Variants in DIP2A observed in about 807,000 individuals in gnomAD.
The protein encoded by DIP2A is DIP2 acetate--CoA ligase A, also known as disco-interacting protein 2 homolog A.
A neutral mutation model predicts 177.4 loss-of-function variants in DIP2A; 85 were observed. That is an observed-to-expected ratio of 0.48 (90% CI 0.40 to 0.57). DIP2A has a LOEUF of 0.57. Among genes scored for constraint, DIP2A ranks in the 20% least tolerant of loss-of-function variants. The pLI is 0.00. For synonymous variants in DIP2A, 886 were observed against 881.8 expected (o/e 1.00, Z -0.08); for missense variants, 1,791 against 2,100.2 (o/e 0.85, Z 2.88).
At chr21:46,527,783 C>T (rs1290365842) in intron 8 of DIP2A, among the ~76,000 whole-genome samples, 1 of 152,070 alleles carries the variant, frequency 6.6e-6, no homozygotes, top group Non-Finnish European at 1.5e-5. Context: ...ACTTAAAGGG[C>T]TCAGTGATGA....
At chr21:46,518,306 T>C (rs76437192) in intron 8 of DIP2A, among the ~76,000 whole-genome samples, 1,585 of 152,252 alleles carry the variant, frequency 0.01, 28 homozygotes, top group African/African-American at 0.036. Flanking sequence ...TATGGGCACC[T>C]TCACATTGCT....
At chr21:46,459,747 C>A (rs1340624942) in intron 1 of DIP2A, among the ~76,000 whole-genome samples, 16 of 151,958 alleles carry the variant, frequency 1.1e-4, no homozygotes, top group African/African-American at 3.4e-4. Flanking sequence ...AGGCCCTTCA[C>A]ACCTGGGACC....
At chr21:46,519,923 G>A (rs2058751291) in intron 8 of DIP2A, among the ~76,000 whole-genome samples, 1 of 132,576 alleles carries the variant, frequency 7.5e-6, no homozygotes. Context: ...TGCTCAGGCT[G>A]GAGTGCAGTG....
intron 13 of DIP2A, among the ~76,000 whole-genome samples, chr21:46,535,251 G>A (rs904652620): frequency 6.6e-6 from 1 of 152,108 alleles, no homozygotes; most frequent in South Asian, 2.1e-4. Context: ...CTTAACTTGA[G>A]ATATCTTTAA....
chr21:46,578,215 G>C, the DIP2A span, among the ~76,000 whole-genome samples: 1 of 152,216 alleles, frequency 6.6e-6, no homozygotes, highest in African/African-American at 2.4e-5. Context: ...AGGAGGCTGA[G>C]GCAGGAGAAT....
chr21:46,489,236 T>C (rs2056871093), intron 2 of DIP2A, among the ~76,000 whole-genome samples: 1 of 152,254 alleles, frequency 6.6e-6, no homozygotes, highest in Non-Finnish European at 1.5e-5. Flanking sequence ...CACCCCAAAA[T>C]GTACACAGTA....
At chr21:46,523,373 T>G (rs1482417859) in intron 8 of DIP2A, among the ~76,000 whole-genome samples, 4 of 150,788 alleles carry the variant, frequency 2.7e-5, no homozygotes, top group African/African-American at 9.8e-5. Flanking sequence ...TAGCTAGGAT[T>G]ACAGGCGTGC....
At chr21:46,503,992 C>T (rs905724548) in intron 5 of DIP2A, among the ~76,000 whole-genome samples, 2 of 152,220 alleles carry the variant, frequency 1.3e-5, no homozygotes, top group Non-Finnish European at 2.9e-5. Context: ...TCCCCAAGTG[C>T]AGGGATTACA....
intron 8 of DIP2A, among the ~76,000 whole-genome samples, chr21:46,517,054 C>CTTTTTT (rs71318086): frequency 4.9e-5 from 3 of 60,826 alleles, no homozygotes; most frequent in African/African-American, 7.1e-5. Context: ...TTTTCTCTCT[C>CTTTTTT]TTTTTTTTTT....
chr21:46,563,906 C>A lies in DIP2A; in HGVS notation c.4138C>A (p.Pro1380Thr), dbSNP rs199921671. The A allele has an allele frequency of 6.2e-7, 1 of 1,613,722 alleles. No homozygotes were observed. The highest frequency in any genetic ancestry group is 8.5e-7 in the Non-Finnish European group (1 of 1,179,854). Residue 1380 changes from proline (P) to threonine (T), a missense_variant, in exon 35 of 38, where the codon CCC (proline) becomes ACC (threonine). Pro to Thr is a conservative substitution (Grantham distance 38). Transcript: ENST00000417564. The surrounding 1 kb of genome is among the most constrained non-coding windows in gnomAD (Gnocchi z 4.3). ...CATCGCACACACCGAGACCAAAGGACCCTTGGGAGACTCACACCTGGGAGA... is the reference window on the plus strand; with the variant it reads ...CATCGCACACACCGAGACCAAAGGAACCTTGGGAGACTCACACCTGGGAGA... Reference protein sequence around the residue: ...VIIAHTETKGPLGDSHLGEIW... With the variant: ...VIIAHTETKGTLGDSHLGEIW...
chr21:46,500,085 G>A (rs1311139796), intron 5 of DIP2A, among the ~76,000 whole-genome samples: 1 of 152,184 alleles, frequency 6.6e-6, no homozygotes, highest in Admixed American at 6.5e-5. Flanking sequence ...CACAGCTTCT[G>A]TCTCATCATC....
intron 6 of DIP2A, among the ~76,000 whole-genome samples, chr21:46,506,760 C>CTT (rs1386718223): frequency 1.3e-5 from 1 of 76,616 alleles, no homozygotes; most frequent in African/African-American, 4.5e-5. Context: ...TTCTTTCTTT[C>CTT]TTTCTTTCTT....
intron 6 of DIP2A, among the ~76,000 whole-genome samples, chr21:46,506,455 A>C (rs2057988024): frequency 6.6e-6 from 1 of 152,170 alleles, no homozygotes; most frequent in Non-Finnish European, 1.5e-5. Flanking sequence ...GCTGTTTTCC[A>C]AAGTGATTGT....
intron 1 of DIP2A, among the ~76,000 whole-genome samples, chr21:46,471,624 T>C (rs2839271): frequency 0.83 from 126,471 of 152,170 alleles, 52,903 homozygotes; most frequent in African/African-American, 0.92. Flanking sequence ...AGAAAACTAT[T>C]GTCAGTGAAG....
intron 8 of DIP2A, among the ~76,000 whole-genome samples, chr21:46,521,847 A>G (rs1466671523): frequency 6.6e-6 from 1 of 152,198 alleles, no homozygotes; most frequent in Non-Finnish European, 1.5e-5. Context: ...ATTCTATCCA[A>G]CTGAAAATAA....
chr21:46,471,981 T>C (rs1189596083), intron 1 of DIP2A, among the ~76,000 whole-genome samples: 3 of 152,250 alleles, frequency 2.0e-5, no homozygotes, highest in African/African-American at 4.8e-5. Flanking sequence ...GCAGTATCTT[T>C]AGTAAAGAAC....
In DIP2A at chr21:46,558,412, C is replaced by T. The variant is rs749749947; in HGVS notation, c.3969+19C>T. 20 of 1,548,098 alleles carry T rather than the reference C, an allele frequency of 1.3e-5. No homozygotes were observed. The highest frequency in any genetic ancestry group is 5.7e-5 in the Admixed American group (3 of 52,700). On this transcript the variant is annotated intron_variant, in intron 32 of 37. Transcript: ENST00000417564. ...CCTCCAGGTGAGGTGCCTGGGGCTG[C>T]GGTTCTCGAAAGCTGGCTGTTGGCA...
chr21:46,580,524 A>G, the DIP2A span, among the ~76,000 whole-genome samples: 1 of 152,184 alleles, frequency 6.6e-6, no homozygotes, highest in African/African-American at 2.4e-5. Context: ...TTATTAATGT[A>G]GTTGCTTCAC....
rs751652705 is a variant in DIP2A, at chr21:46,554,690, C to T, written c.3270C>T (p.Ile1090=). Residue 1090 remains isoleucine, a synonymous_variant, in exon 27 of 38, where the codon ATC becomes ATT. Transcript: ENST00000417564. Reference sequence around the variant, plus strand: ...CCACACTGCCCACCGTCAAGATGATCGTGGAGGTGCGCCTACCTGGCCCGC... The same window carrying T: ...CCACACTGCCCACCGTCAAGATGATTGTGGAGGTGCGCCTACCTGGCCCGC... The part of the protein sequence containing the change: ...LGTTLPTVKM[I]VEVSKSACVL... 5.1e-6 allele frequency: 8 copies of T among 1,566,994 alleles called. No homozygotes were observed. The highest frequency in any genetic ancestry group is 1.4e-5 in the African/African-American group (1 of 73,742).
Sources: gnomAD v4.1 joint callset for allele counts (sites outside exome capture counted in the v4.1 genomes callset) on GRCh38, gnomAD v4.1.1 for gene constraint, Gnocchi (gnomAD v3.1) non-coding constraint, MANE v1.5 for transcripts, NCBI Gene and HGNC (gene_info 2026-07-23, HGNC 2026-07-21) for gene names.